HYAL3: variants seen among roughly 807,000 people sequenced by gnomAD.
The protein encoded by HYAL3 is hyaluronidase 3, also known as hyaluronidase-3.
HYAL3 carries 25 observed loss-of-function variants against 29.6 expected under a neutral mutation model. The ratio of observed to expected loss-of-function variants is 0.85; its 90% CI spans 0.62 to 1.18. The LOEUF (loss-of-function observed/expected upper bound fraction) is 1.18, where lower values mean the gene tolerates loss of function less well. Ranked by LOEUF, HYAL3 falls within the 50% of genes most tolerant of loss-of-function variation. HYAL3 has a pLI of 0.00. For synonymous variants in HYAL3, 215 were observed against 218.3 expected (o/e 0.99, Z 0.13); for missense variants, 442 against 548.4 (o/e 0.81, Z 1.94).
rs587697699 is a variant in HYAL3, at chr3:50,298,166, G to A, written c.-18+1047C>T. On this transcript the variant is annotated intron_variant, in intron 1 of 3. Transcript: ENST00000336307. ...CAAGGTTCCCTCCATAGGAAAAACT[G>A]CCCGGGAGTCTTCCTGTCCCTTTCT... 5 of 884,872 alleles carry A rather than the reference G, an allele frequency of 5.7e-6. No homozygotes were observed. The African/African-American group carries it at 9.1e-5, about 16-fold the overall frequency. The allele number at this position is 884,872 out of a possible 1,614,324, so 54.8% of individuals were successfully genotyped here. A position where few individuals can be genotyped will look rare whatever the true frequency, so the allele number is the denominator to read the frequency against.
chr3:50,295,271 T>C lies in HYAL3; in HGVS notation c.332A>G (p.Gln111Arg). 6.2e-7 allele frequency: 1 copy of C among 1,614,020 alleles called. No individual in the cohort carries two copies. Among genetic ancestry groups the C allele is most frequent in the Non-Finnish European group, 8.5e-7 (1 of 1,180,008 alleles). Residue 111 changes from glutamine to arginine, a missense_variant, in exon 2 of 4, where the codon CAG becomes CGG. Coordinates refer to ENST00000336307, the MANE Select transcript of HYAL3 (RefSeq NM_003549.4). ...GCCAGGTCTCAGGCTGTGGTGGATC[T>C]GGTAGGCAGCCAGTGCCAGGTGGCG... ...LDRHLALAAY[Q>R]IHHSLRPGFA... is the part of the protein sequence containing the mutation.
In HYAL3 at chr3:50,297,809, G is replaced by A; in HGVS notation, c.-18+1404C>T. 1 of 1,168,522 alleles carries A rather than the reference G, an allele frequency of 8.6e-7. No individual in the cohort carries two copies. The highest frequency in any genetic ancestry group is 4.4e-5 in the East Asian group (1 of 22,496). 72.4% of individuals were successfully genotyped at this position (1,168,522 alleles called of 1,614,324 possible). On this transcript the variant is annotated intron_variant, in intron 1 of 3. Coordinates refer to ENST00000336307, the MANE Select transcript of HYAL3 (RefSeq NM_003549.4). This position sits in a 1 kb window ranked among gnomAD's most constrained non-coding sequence, Gnocchi z 4.3. ...GCTGCACTTTGTCCCACACTCACCT[G>A]ATAGCACAGGTGACCTGGAAGAGAC...
rs1553710469 is a variant in HYAL3, at chr3:50,293,680, C to T, written c.936G>A (p.Gly312=). ...CCCCCCAGAGCACCACGCCGGCTGCCCCTAGTGCTGCACTCACACCAATGG... is the reference window on the plus strand; with the variant it reads ...CCCCCCAGAGCACCACGCCGGCTGCTCCTAGTGCTGCACTCACACCAATGG... ...VQSIGVSAAL[G]AAGVVLWGDL... is the part of the protein sequence containing the mutation. Residue 312 remains glycine (G), a synonymous_variant, in exon 3 of 4, where the codon GGG becomes GGA. Transcript: ENST00000336307. 9.3e-6 allele frequency: 15 copies of T among 1,613,806 alleles called. No homozygotes were observed. Among genetic ancestry groups the T allele is most frequent in the Admixed American group, 1.7e-5 (1 of 60,022 alleles).
chr3:50,293,906 G>A (rs763978759), intron 2 of HYAL3, among the ~76,000 whole-genome samples, 185 bp from the exon 3 acceptor site: 31 of 152,132 alleles, frequency 2.0e-4, no homozygotes, highest in Non-Finnish European at 4.0e-4. Context: ...GAGTGCAGTG[G>A]CATGATCATA....
intron 2 of HYAL3, 113 bp downstream of exon 2, chr3:50,294,596 C>T (rs1482524278): frequency 2.5e-5 from 22 of 888,648 alleles, no homozygotes; most frequent in Non-Finnish European, 3.4e-5. Flanking sequence ...CAGGGCCTTC[C>T]GCTGAGAACG....
Position 50,297,001 on chromosome 3 carries a change from G to C in HYAL3, c.-17-1382C>G. ...AAGACCTCCAGGCCCTCCATGAGGCGGCGGCCAAAGCCACGGCCCCTCAGG... is the reference window on the plus strand; with the variant it reads ...AAGACCTCCAGGCCCTCCATGAGGCCGCGGCCAAAGCCACGGCCCCTCAGG... On this transcript the variant is annotated intron_variant, in intron 1 of 3. Transcript: ENST00000336307. The surrounding 1 kb of genome is among the most constrained non-coding windows in gnomAD (Gnocchi z 4.3). 6.4e-7 allele frequency: 1 copy of C among 1,559,380 alleles called. No homozygotes were observed. Among genetic ancestry groups the C allele is most frequent in the East Asian group, 2.2e-5 (1 of 44,644 alleles).
chr3:50,295,565 AC>A lies in HYAL3; in HGVS notation c.37del (p.Val13TrpfsTer46), dbSNP rs782492240. The A allele has an allele frequency of 3.8e-6, 6 of 1,569,300 alleles. No homozygotes were observed. The highest frequency in any genetic ancestry group is 4.3e-6 in the Non-Finnish European group (5 of 1,155,256). Reference protein sequence around the residue: ...TQLGPALVLGVALCLGCGQPL... With the variant: ...TQLGPALVLGXALCLGCGQPL... Reference sequence around the variant, plus strand: ...CTGGCCACAACCCAGGCACAGGGCCACCCCCAGCACCAGGGCTGGGCCCAGT... The same window carrying A: ...CTGGCCACAACCCAGGCACAGGGCCACCCCAGCACCAGGGCTGGGCCCAGT... On this transcript the variant is annotated frameshift_variant, in exon 2 of 4. Coordinates refer to ENST00000336307, the MANE Select transcript of HYAL3 (RefSeq NM_003549.4). LOFTEE classifies it high-confidence loss of function.
At chr3:50,296,794 C>T in intron 1 of HYAL3, 1 of 1,586,122 alleles carries the variant, frequency 6.3e-7, no homozygotes, top group East Asian at 2.2e-5. Flanking sequence ...AGGTTTGGGG[C>T]CTTCCTGGGT....
At chr3:50,296,618 C>T (rs782557024) in intron 1 of HYAL3, 1 of 1,614,058 alleles carries the variant, frequency 6.2e-7, no homozygotes, top group South Asian at 1.1e-5. Context: ...TGTCTTTTTC[C>T]ATCCAGAATA....
rs587624650 is a variant in HYAL3 at position 50,297,628 on chromosome 3, A to G, written c.-18+1585T>C. 2.0e-5 allele frequency: 30 copies of G among 1,464,604 alleles called. No individual in the cohort carries two copies. In the East Asian group the frequency reaches 6.7e-4, roughly 33 times the overall value. 90.7% of individuals were successfully genotyped at this position (1,464,604 alleles called of 1,614,324 possible). On this transcript the variant is annotated intron_variant, in intron 1 of 3. Transcript: ENST00000336307. The surrounding 1 kb of genome is among the most constrained non-coding windows in gnomAD (Gnocchi z 4.3). ...GTGCCAGGCTGGAGGTTAAGACCCC[A>G]GTCTCCAGGCAGTAGCATCTCTTCA...
chr3:50,293,279 C>G lies in HYAL3; in HGVS notation c.1221G>C (p.Gln407His). ...CTTCTTTAGGCCCAGGCCTGGGCTCCTGGCAGGTGGGGCCAGCCCAGCCCC... is the reference window on the plus strand; with the variant it reads ...CTTCTTTAGGCCCAGGCCTGGGCTCGTGGCAGGTGGGGCCAGCCCAGCCCC... ...CYWGWAGPTC[Q>H]EPRPGPKEAV The change falls in exon 4 of 4, where the codon CAG (glutamine) becomes CAC (histidine). Residue 407 changes from glutamine to histidine, a missense_variant. By Grantham distance (24) the Gln-to-His change is conservative. Coordinates refer to ENST00000336307, the MANE Select transcript of HYAL3 (RefSeq NM_003549.4). 1 of 1,613,208 alleles carries G rather than the reference C, an allele frequency of 6.2e-7. No individual in the cohort carries two copies.
Position 50,294,703 on chromosome 3 carries a change from A to C in HYAL3, c.894+6T>G, listed in dbSNP as rs782437891. ...CTCAGACCCCTAGACCTCAGCTTCC[A>C]CTTACCTGGGACAGGAACCTCCCAG... is the stretch of plus-strand genomic sequence containing the variant. On this transcript the variant is annotated splice_donor_region_variant and intron_variant, in intron 2 of 3. Coordinates refer to ENST00000336307, the MANE Select transcript of HYAL3 (RefSeq NM_003549.4). The C allele has an allele frequency of 6.7e-7, 1 of 1,500,366 alleles. No individual in the cohort carries two copies. Among genetic ancestry groups the C allele is most frequent in the Non-Finnish European group, 8.9e-7 (1 of 1,123,890 alleles). 92.9% of individuals were successfully genotyped at this position (1,500,366 alleles called of 1,614,324 possible).
chr3:50,292,940 G>A lies in HYAL3; in HGVS notation c.*306C>T. The A allele has an allele frequency of 6.5e-7, 1 of 1,528,936 alleles. No individual in the cohort carries two copies. Among genetic ancestry groups the A allele is most frequent in the Non-Finnish European group, 8.8e-7 (1 of 1,135,822 alleles). The allele number at this position is 1,528,936 out of a possible 1,614,324, so 94.7% of individuals were successfully genotyped here. A position where few individuals can be genotyped will look rare whatever the true frequency, so the allele number is the denominator to read the frequency against. On this transcript the variant is annotated 3_prime_UTR_variant, in exon 4 of 4. Transcript: ENST00000336307. ...CCATCTGCCCGTGCACGGCCCATCT[G>A]TGACCTCTCCATGGGCTTAGTGAGG...
At position 50,297,983 on chromosome 3, in the gene HYAL3, G is replaced by T; in HGVS notation, c.-18+1230C>A. The T allele has an allele frequency of 1.0e-6, 1 of 987,436 alleles. No homozygotes were observed. The highest frequency in any genetic ancestry group is 1.2e-6 in the Non-Finnish European group (1 of 831,508). 61.2% of individuals were successfully genotyped at this position (987,436 alleles called of 1,614,324 possible). ...CTGGCTACAAATTTGTCCTCCTCAG[G>T]ACCTCCCCTCACAGGGGGTCTGTAA... On this transcript the variant is annotated intron_variant, in intron 1 of 3. Coordinates refer to ENST00000336307, the MANE Select transcript of HYAL3 (RefSeq NM_003549.4). This position sits in a 1 kb window ranked among gnomAD's most constrained non-coding sequence, Gnocchi z 4.3.
chr3:50,296,728 G>C (rs1165788790), intron 1 of HYAL3: 1 of 1,612,384 alleles, frequency 6.2e-7, no homozygotes, highest in African/African-American at 1.3e-5. Flanking sequence ...TCAGGTAGGG[G>C]AGGGGGTGGT....
At position 50,293,204 on chromosome 3, in the gene HYAL3, T is replaced by C; in HGVS notation, c.*42A>G. 1.2e-6 allele frequency: 2 copies of C among 1,612,512 alleles called. No individual in the cohort carries two copies. Among genetic ancestry groups the C allele is most frequent in the South Asian group, 1.1e-5 (1 of 90,900 alleles). The stretch of plus-strand genomic sequence containing the variant: ...CAGAGTAGTTCCAGGACTGGAAAAG[T>C]GGCAGCAGGGAAAAGAAGAGGCAGT... On this transcript the variant is annotated 3_prime_UTR_variant, in exon 4 of 4. Coordinates refer to ENST00000336307, the MANE Select transcript of HYAL3 (RefSeq NM_003549.4).
chr3:50,296,922 T>C (rs782061436), intron 1 of HYAL3: 2 of 1,609,356 alleles, frequency 1.2e-6, no homozygotes, highest in African/African-American at 2.7e-5. Flanking sequence ...GGTATAGAAG[T>C]GCACCTGGTC....
At chr3:50,296,199 T>C (rs1701833283) in intron 1 of HYAL3, among the ~76,000 whole-genome samples, 1 of 152,144 alleles carries the variant, frequency 6.6e-6, no homozygotes, top group Non-Finnish European at 1.5e-5. Flanking sequence ...CAGTAGGTGC[T>C]CAGTGAATGG....
At chr3:50,299,183 G>A (rs781837348) in intron 1 of HYAL3, 30 bp downstream of exon 1, 2 of 1,614,164 alleles carry the variant, frequency 1.2e-6, no homozygotes, top group South Asian at 2.2e-5. Flanking sequence ...TGGACCTACA[G>A]GCAGCAAATG....
Sources: allele counts gnomAD v4.1 joint callset (sites outside exome capture counted in the v4.1 genomes callset), GRCh38; gene constraint gnomAD v4.1.1; non-coding constraint Gnocchi (gnomAD v3.1); transcripts MANE v1.5; gene names NCBI Gene and HGNC (gene_info 2026-07-23, HGNC 2026-07-21).